ASB14: variants seen among roughly 807,000 people sequenced by gnomAD.
ASB14 encodes ankyrin repeat and SOCS box protein 14.
In ASB14, 63 loss-of-function variants were observed where a neutral mutation model predicts 55.6. That is an observed-to-expected ratio of 1.13 (90% CI 0.92 to 1.40). The LOEUF is 1.40. Among genes scored for constraint, ASB14 ranks in the 40% most tolerant of loss-of-function variants. The pLI is 0.00. For synonymous variants in ASB14, 256 were observed against 259.9 expected, an observed-to-expected ratio of 0.98 and a Z score of 0.15; for missense variants, 724 against 710.4, an observed-to-expected ratio of 1.02 and a Z score of -0.22.
chr3:57,276,919 A>G (rs2060993719), intron 9 of ASB14, among the ~76,000 whole-genome samples, 191 bp from the exon 10 acceptor site: 1 of 152,150 alleles, frequency 6.6e-6, no homozygotes. Flanking sequence ...GTCAAGTTAG[A>G]ATCCAAAGAC....
intron 5 of ASB14, among the ~76,000 whole-genome samples, chr3:57,287,645 A>AT (rs1405831412): frequency 1.3e-5 from 2 of 151,944 alleles, no homozygotes; most frequent in African/African-American, 2.4e-5. Context: ...CTCCCCTCTG[A>AT]TTTTTTGTAT....
chr3:57,287,867 C>T (rs562333671), intron 5 of ASB14, 34 bp downstream of exon 5: 8 of 1,533,140 alleles, frequency 5.2e-6, no homozygotes, highest in Non-Finnish European at 7.0e-6. Context: ...GACTCAGTGC[C>T]ACAGACTCTT....
At chr3:57,279,081 G>C in intron 7 of ASB14, 161 bp from the exon 8 acceptor site, 1 of 662,726 alleles carries the variant, frequency 1.5e-6, no homozygotes, top group Non-Finnish European at 2.5e-6. Context: ...CAGAAGCTCA[G>C]ATACCAAGTA....
In ASB14 at chr3:57,278,923, G is replaced by A. The variant is rs772831706; in HGVS notation, c.888-3C>T. The A allele has an allele frequency of 1.1e-5, 17 of 1,604,996 alleles. No individual in the cohort carries two copies. The highest frequency in any genetic ancestry group is 1.7e-5 in the Admixed American group (1 of 59,700). On this transcript the variant is annotated splice_polypyrimidine_tract_variant and splice_region_variant and intron_variant, in intron 7 of 10. Transcript: ENST00000487349. ...CTGGAATCAGTATCTTTAGAGCTCT[G>A]AGAAAGAATTTCAAAATGCATTTCA...
At chr3:57,287,569 T>C (rs758572171) in intron 5 of ASB14, among the ~76,000 whole-genome samples, 1 of 152,244 alleles carries the variant, frequency 6.6e-6, no homozygotes, top group Admixed American at 6.5e-5. Flanking sequence ...TGCTTCTTAA[T>C]AGTTTTCAAC....
At chr3:57,274,601 C>G (rs547277043) in intron 10 of ASB14, among the ~76,000 whole-genome samples, 16 of 152,300 alleles carry the variant, frequency 1.1e-4, no homozygotes, top group African/African-American at 3.8e-4. Context: ...ACATGAGAAT[C>G]TCTGGAACCC....
chr3:57,291,872 A>G (rs1480033808), intron 2 of ASB14, 40 bp downstream of exon 2: 1 of 1,483,000 alleles, frequency 6.7e-7, no homozygotes, highest in Non-Finnish European at 9.1e-7. Flanking sequence ...GCTGTTGAAT[A>G]CAACACTTAA....
intron 5 of ASB14, among the ~76,000 whole-genome samples, chr3:57,284,088 C>CTATGTGTGTGTGTGTGTG (rs1553640077): frequency 1.5e-4 from 6 of 41,368 alleles, no homozygotes; most frequent in African/African-American, 4.0e-4. Context: ...CTTGGGAACA[C>CTATGTGTGTGTGTGTGTG]TGTGTATGTG....
chr3:57,291,898 G>T lies in ASB14; in HGVS notation c.122+14C>A. ...CAACACTTAATACTATATTGCCGAT[G>T]AGAAAACCATTACCTCTCATCCTTA... On this transcript the variant is annotated intron_variant, in intron 2 of 10. Transcript: ENST00000487349. 1.3e-6 allele frequency: 2 copies of T among 1,524,504 alleles called. No individual in the cohort carries two copies. The highest frequency in any genetic ancestry group is 1.2e-5 in the South Asian group (1 of 83,542). 94.4% of individuals were successfully genotyped at this position (1,524,504 alleles called of 1,614,324 possible). A position where few individuals can be genotyped will look rare whatever the true frequency, so the allele number is the denominator to read the frequency against.
At chr3:57,277,625 C>A (rs1320669354) in intron 9 of ASB14, 142 bp downstream of exon 9, 6 of 723,958 alleles carry the variant, frequency 8.3e-6, no homozygotes, top group Non-Finnish European at 1.1e-5. Flanking sequence ...TAGTTAGTAA[C>A]ATTTTTAAAG....
intron 10 of ASB14, among the ~76,000 whole-genome samples, chr3:57,274,555 C>T (rs1429692939): frequency 1.3e-5 from 2 of 152,090 alleles, no homozygotes; most frequent in African/African-American, 4.8e-5. Context: ...GGTGTGGTGG[C>T]ACACTCTTGT....
intron 7 of ASB14, 21 bp from the exon 8 acceptor site, chr3:57,278,941 G>T (rs1178199439): frequency 1.2e-6 from 2 of 1,601,124 alleles, no homozygotes; most frequent in South Asian, 2.2e-5. Context: ...ATTTCAAAAT[G>T]CATTTCAACA....
rs1559521998 is a variant in ASB14, at chr3:57,280,485, AAG to A, written c.716-14_716-13del. ...ATGAGCATTAGCTCCTAAGAGGAGA[AAG>A]ACTCTTGTTAATGCAAAAATTATTT... On this transcript the variant is annotated splice_polypyrimidine_tract_variant and intron_variant, in intron 6 of 10. Coordinates refer to ENST00000487349, the MANE Select transcript of ASB14 (RefSeq NM_001142733.3). 1.3e-6 allele frequency: 2 copies of A among 1,542,110 alleles called. No individual in the cohort carries two copies. The highest frequency in any genetic ancestry group is 2.4e-5 in the South Asian group (2 of 83,126).
At chr3:57,279,011 A>G (rs1272688941) in intron 7 of ASB14, 91 bp from the exon 8 acceptor site, 32 of 1,245,132 alleles carry the variant, frequency 2.6e-5, no homozygotes, top group South Asian at 5.9e-5. Flanking sequence ...ACTAGATAGT[A>G]TCAGTATTCA....
intron 5 of ASB14, among the ~76,000 whole-genome samples, chr3:57,286,358 A>G (rs748422098): frequency 2.6e-5 from 4 of 151,348 alleles, no homozygotes; most frequent in Admixed American, 6.6e-5. Context: ...CACCTCTGAG[A>G]TGATCTTTAA....
Position 57,276,667 on chromosome 3 carries a change from T to TA in ASB14, c.1646dup (p.Leu549PhefsTer45). 6.2e-7 allele frequency: 1 copy of TA among 1,614,080 alleles called. No individual in the cohort carries two copies. Among genetic ancestry groups the TA allele is most frequent in the Non-Finnish European group, 8.5e-7 (1 of 1,179,968 alleles). ...ACATGAAGACAGGGCAGCGCAAATG[T>TA]AACCGTCCCATGCATTTCCGGATCT... On this transcript the variant is annotated frameshift_variant, in exon 10 of 11. Transcript: ENST00000487349. LOFTEE classifies it high-confidence loss of function.
Position 57,276,607 on chromosome 3 carries a change from A to G in ASB14, c.1707T>C (p.Tyr569=). The stretch of plus-strand genomic sequence containing the variant: ...AAAGGTCGTATTCTTTGTAAAGGAC[A>G]TATGCTTTTAGACGATTGGGTAATG... ...FLPLPNRLKA[Y]VLYKEYDLYG... is the part of the protein sequence containing the mutation. Residue 569 remains tyrosine (Y), a synonymous_variant, in exon 10 of 11, where the codon TAT becomes TAC. Transcript: ENST00000487349. 1 of 1,613,920 alleles carries G rather than the reference A, an allele frequency of 6.2e-7. No homozygotes were observed.
chr3:57,279,264 C>CTTTTTCTTTTT (rs2061016651), intron 7 of ASB14, among the ~76,000 whole-genome samples: 1 of 88,030 alleles, frequency 1.1e-5, no homozygotes, highest in African/African-American at 4.4e-5. Flanking sequence ...AAGAGTTTTT[C>CTTTTTCTTTTT]TTTTTTTTTT....
intron 10 of ASB14, chr3:57,273,541 T>A (rs2060962088): frequency 6.6e-6 from 1 of 152,578 alleles, no homozygotes. Context: ...CTTCTTAAGC[T>A]GTTATGACAT....
Sources: allele counts gnomAD v4.1 joint callset (sites outside exome capture counted in the v4.1 genomes callset), GRCh38; gene constraint gnomAD v4.1.1; transcripts MANE v1.5; gene names NCBI Gene and HGNC (gene_info 2026-07-23, HGNC 2026-07-21).